Variants in RALGPS2 observed in about 807,000 individuals in gnomAD.
RALGPS2 encodes ras-specific guanine nucleotide-releasing factor RalGPS2.
A neutral mutation model predicts 86.8 loss-of-function variants in RALGPS2; 43 were observed. That is an observed-to-expected ratio of 0.50 (90% CI 0.39 to 0.64). The LOEUF (loss-of-function observed/expected upper bound fraction) is 0.64. Ranked by LOEUF, RALGPS2 falls within the 30% of genes least tolerant of loss-of-function variation. RALGPS2 has a pLI of 0.00. For missense variants in RALGPS2, 536 were observed against 694.6 expected, an observed-to-expected ratio of 0.77 and a Z score of 2.57; for synonymous variants, 243 against 231.3, an observed-to-expected ratio of 1.05 and a Z score of -0.46.
chr1:178,730,814 G>T (rs977911799), intron 1 of RALGPS2, among the ~76,000 whole-genome samples: 2 of 150,966 alleles, frequency 1.3e-5, no homozygotes, highest in South Asian at 4.2e-4. Context: ...CGATTCTCCT[G>T]CCTCAGCCTC....
chr1:178,870,921 AT>A (rs369479007), intron 8 of RALGPS2: 10 of 152,290 alleles, frequency 6.6e-5, no homozygotes, highest in African/African-American at 2.4e-4. Context: ...AATCAATTGA[AT>A]TTGACAAGCC....
chr1:178,781,594 A>G (rs996504042), intron 2 of RALGPS2, among the ~76,000 whole-genome samples: 3 of 151,996 alleles, frequency 2.0e-5, no homozygotes, highest in Admixed American at 6.6e-5. Flanking sequence ...TTAAGCCTCT[A>G]ATGGCCATTA....
chr1:178,900,193 A>T (rs1190853340), intron 17 of RALGPS2, among the ~76,000 whole-genome samples: 3 of 151,996 alleles, frequency 2.0e-5, no homozygotes, highest in Non-Finnish European at 4.4e-5. Flanking sequence ...GGAGAAAAAA[A>T]ATCATAGATT....
chr1:178,819,921 A>T (rs571520451), intron 6 of RALGPS2, among the ~76,000 whole-genome samples: 1 of 152,262 alleles, frequency 6.6e-6, no homozygotes, highest in South Asian at 2.1e-4. Flanking sequence ...AAAATGTAGT[A>T]CACATCCATA....
chr1:178,886,364 A>T (rs1227047081), intron 13 of RALGPS2, among the ~76,000 whole-genome samples: 2 of 152,250 alleles, frequency 1.3e-5, no homozygotes, highest in African/African-American at 4.8e-5. Flanking sequence ...TGAATTAGTT[A>T]ACTGCATGTG....
chr1:178,912,495 G>C (rs1660663963), intron 19 of RALGPS2, among the ~76,000 whole-genome samples: 1 of 152,078 alleles, frequency 6.6e-6, no homozygotes, highest in Non-Finnish European at 1.5e-5. Flanking sequence ...TTTTCTTTAA[G>C]GATGCTAAAA....
chr1:178,844,764 A>G (rs1206181363), intron 8 of RALGPS2, among the ~76,000 whole-genome samples: 1 of 152,216 alleles, frequency 6.6e-6, no homozygotes, highest in Admixed American at 6.5e-5. Flanking sequence ...TGACGAGAGC[A>G]AACTAGAATA....
rs1660887159 is a variant in RALGPS2 at position 178,918,674 on chromosome 1, G to A, written c.*2315G>A. 1 of 152,042 alleles carries A rather than the reference G, an allele frequency of 6.6e-6. No homozygotes were observed. Among genetic ancestry groups the A allele is most frequent in the Non-Finnish European group, 1.5e-5 (1 of 67,940 alleles). 9.4% of individuals were successfully genotyped at this position (152,042 alleles called of 1,614,324 possible). A position where few individuals can be genotyped will look rare whatever the true frequency, so the allele number is the denominator to read the frequency against. ...ACAGCACAGAAGTCGTTGTTTTTCT[G>A]TCTTTAAAATTTATTCATTCAGAAA... is the stretch of plus-strand genomic sequence containing the variant. On this transcript the variant is annotated 3_prime_UTR_variant, in exon 20 of 20. Coordinates refer to ENST00000367635, the MANE Select transcript of RALGPS2 (RefSeq NM_152663.5).
rs140232612 is a variant in RALGPS2 at position 178,906,783 on chromosome 1, G to A, written c.1638G>A (p.Ser546=). 34 of 1,608,544 alleles carry A rather than the reference G, an allele frequency of 2.1e-5. 1 individual carries two copies. In the East Asian group the frequency reaches 2.9e-4, roughly 14 times the overall value. The change falls in exon 19 of 20, where the codon TCG becomes TCA. Residue 546 remains serine, a synonymous_variant. Transcript: ENST00000367635. The part of the protein sequence containing the change: ...FLLTDSEKGN[S]YKFQAGNRMN... ...TATTTTGGATAATTTTAGGAAATTC[G>A]TACAAGTTTCAAGCTGGCAATAGAA...
chr1:178,827,471 T>C (rs1218304655), intron 7 of RALGPS2, among the ~76,000 whole-genome samples: 1 of 147,350 alleles, frequency 6.8e-6, no homozygotes, highest in Non-Finnish European at 1.5e-5. Flanking sequence ...CTCGGCTCAC[T>C]GCAAGCTCCG....
At chr1:178,885,047 T>C (rs549683506) in intron 11 of RALGPS2, 29 bp from the exon 12 acceptor site, 1 of 1,543,756 alleles carries the variant, frequency 6.5e-7, no homozygotes, top group East Asian at 2.3e-5. Flanking sequence ...AAGTAATCAT[T>C]TGAAAATCTC....
intron 8 of RALGPS2, among the ~76,000 whole-genome samples, chr1:178,866,580 A>C (rs1406316884): frequency 2.0e-5 from 3 of 152,134 alleles, no homozygotes; most frequent in African/African-American, 7.2e-5. Context: ...TATTTTAGTA[A>C]AATGTTAGTA....
At chr1:178,801,943 A>G (rs1654497784) in intron 4 of RALGPS2, among the ~76,000 whole-genome samples, 1 of 152,138 alleles carries the variant, frequency 6.6e-6, no homozygotes, top group Non-Finnish European at 1.5e-5. Flanking sequence ...ATGTTTTTGA[A>G]CCTCATAAGA....
intron 14 of RALGPS2, among the ~76,000 whole-genome samples, chr1:178,890,227 T>C (rs1659663444): frequency 1.3e-5 from 2 of 151,980 alleles, no homozygotes; most frequent in South Asian, 4.1e-4. Flanking sequence ...CCTTTGTTGC[T>C]TTAAGCTGTT....
At chr1:178,757,619 C>T (rs1456564281) in intron 1 of RALGPS2, among the ~76,000 whole-genome samples, 1 of 152,138 alleles carries the variant, frequency 6.6e-6, no homozygotes, top group African/African-American at 2.4e-5. Context: ...GTTGAACCAA[C>T]CTTGCATCAC....
At chr1:178,729,159 T>C (rs944794718) in intron 1 of RALGPS2, among the ~76,000 whole-genome samples, 4 of 152,210 alleles carry the variant, frequency 2.6e-5, no homozygotes, top group Non-Finnish European at 5.9e-5. Flanking sequence ...ACCTTTTTTT[T>C]CAGAACAGAT....
intron 1 of RALGPS2, among the ~76,000 whole-genome samples, chr1:178,761,163 C>G (rs1652219241): frequency 6.6e-6 from 1 of 151,986 alleles, no homozygotes; most frequent in Non-Finnish European, 1.5e-5. Flanking sequence ...TTAGTAGAGA[C>G]AGGGTTTCGG....
At chr1:178,842,836 G>A (rs1335756123) in intron 8 of RALGPS2, among the ~76,000 whole-genome samples, 64 of 142,024 alleles carry the variant, frequency 4.5e-4, no homozygotes, top group African/African-American at 1.3e-3. Context: ...TCAAAAAGTG[G>A]GCGAAGGACA....
Position 178,817,736 on chromosome 1 carries a change from C to A in RALGPS2, c.388-3876C>A, listed in dbSNP as rs183800659. On this transcript the variant is annotated intron_variant, in intron 6 of 19. Transcript: ENST00000367635. ...GAATTGATAACAACATTAAGACTTT[C>A]AATCCACAAACATGGTTTATTTCTG... is the stretch of plus-strand genomic sequence containing the variant. Among the ~76,000 whole-genome samples the A allele has an allele frequency of 1.3e-3, 193 of 152,332 alleles. 2 individuals are homozygous for A. The highest frequency in any genetic ancestry group is 4.3e-3 in the African/African-American group (177 of 41,574).
Sources: gnomAD v4.1 joint callset for allele counts (sites outside exome capture counted in the v4.1 genomes callset) on GRCh38, gnomAD v4.1.1 for gene constraint, MANE v1.5 for transcripts, NCBI Gene and HGNC (gene_info 2026-07-23, HGNC 2026-07-21) for gene names.